The following CREB1 variants were observed in gnomAD, a reference collection of about 807,000 sequenced individuals.
CREB1 encodes the protein cAMP responsive element binding protein 1.
Under a neutral mutation model 42.0 loss-of-function variants are expected in CREB1, and 2 were observed. The observed-to-expected ratio is 0.05, with a 90% CI of 0.02 to 0.15. CREB1 has a LOEUF of 0.15. Among genes scored for constraint, CREB1 ranks in the 10% least tolerant of loss-of-function variants. The probability of loss-of-function intolerance (pLI) is 1.00; values close to 1 mark genes in which losing one functional copy is unlikely to be tolerated. For missense variants in CREB1, 199 were observed against 388.9 expected (o/e 0.51, Z 4.11); for synonymous variants, 123 against 139.9 (o/e 0.88, Z 0.85).
intron 7 of CREB1, 98 bp downstream of exon 7, chr2:207,577,753 C>A: frequency 6.9e-7 from 1 of 1,453,768 alleles, no homozygotes; most frequent in Non-Finnish European, 9.4e-7. Flanking sequence ...AGGATCTTTG[C>A]ATTGAATTTT....
chr2:207,589,956 G>A (rs1212135143), intron 7 of CREB1, among the ~76,000 whole-genome samples: 2 of 152,006 alleles, frequency 1.3e-5, no homozygotes, highest in South Asian at 2.1e-4. Flanking sequence ...TTATAAATGA[G>A]GTGGAAGTCT....
intron 1 of CREB1, among the ~76,000 whole-genome samples, chr2:207,536,320 T>A (rs980266558): frequency 1.3e-5 from 2 of 151,924 alleles, no homozygotes; most frequent in Non-Finnish European, 2.9e-5. Flanking sequence ...TTTGGGAGGC[T>A]GAGGTAGGTG....
chr2:207,567,733 GA>G (rs1158280880), intron 4 of CREB1, 170 bp downstream of exon 4: 1 of 452,000 alleles, frequency 2.2e-6, no homozygotes, highest in Non-Finnish European at 4.0e-6. Context: ...TACAGAATAA[GA>G]AGAGCACTTG....
intron 3 of CREB1, 114 bp from the exon 4 acceptor site, chr2:207,567,348 AT>A: frequency 1.5e-6 from 1 of 645,822 alleles, no homozygotes; most frequent in South Asian, 2.1e-5. Flanking sequence ...ATAAGAACTG[AT>A]TTTTTTCTAC....
chr2:207,540,087 A>G (rs745486616), intron 1 of CREB1, among the ~76,000 whole-genome samples: 2 of 152,180 alleles, frequency 1.3e-5, no homozygotes, highest in Non-Finnish European at 2.9e-5. Context: ...CTGTATAAGA[A>G]CGTTTTGGTG....
At chr2:207,592,140 G>T (rs1024208013) in intron 7 of CREB1, among the ~76,000 whole-genome samples, 24 of 151,806 alleles carry the variant, frequency 1.6e-4, no homozygotes, top group African/African-American at 4.8e-4. Context: ...TTTTTTCTTT[G>T]AAGTGACAGA....
chr2:207,556,331 C>G (rs1214217362), intron 2 of CREB1, among the ~76,000 whole-genome samples: 2 of 152,104 alleles, frequency 1.3e-5, no homozygotes, highest in Non-Finnish European at 2.9e-5. Context: ...TTCTCCTCAA[C>G]TATTTTATTA....
chr2:207,603,065 C>G lies in CREB1; in HGVS notation c.*6007C>G. The G allele has an allele frequency of 4.7e-6, 1 of 211,934 alleles. No homozygotes were observed. Among genetic ancestry groups the G allele is most frequent in the Non-Finnish European group, 9.5e-6 (1 of 104,756 alleles). 13.1% of individuals were successfully genotyped at this position (211,934 alleles called of 1,614,324 possible). ...CAAAACAGGGTATTGATTTTTAACTCTGATGTTTCTATTGGAGTTGAATAC... is the reference window on the plus strand; with the variant it reads ...CAAAACAGGGTATTGATTTTTAACTGTGATGTTTCTATTGGAGTTGAATAC... On this transcript the variant is annotated 3_prime_UTR_variant, in exon 8 of 8. Coordinates refer to ENST00000353267, the MANE Select transcript of CREB1 (RefSeq NM_004379.5).
At position 207,539,207 on chromosome 2, in the gene CREB1, AT is replaced by A. The variant is rs528614868; in HGVS notation, c.-9+9091del. Among the ~76,000 whole-genome samples, 533 of 132,922 alleles carry A rather than the reference AT, an allele frequency of 4.0e-3. 1 individual carries two copies. The highest frequency in any genetic ancestry group is 5.2e-3 in the African/African-American group (185 of 35,488). 87.2% of individuals were successfully genotyped at this position (132,922 alleles called of 152,430 possible). A position where few individuals can be genotyped will look rare whatever the true frequency, so the allele number is the denominator to read the frequency against. On this transcript the variant is annotated intron_variant, in intron 1 of 7. Coordinates refer to ENST00000353267, the MANE Select transcript of CREB1 (RefSeq NM_004379.5). ...AAGCATGTGCCACCATACCTGGCTA[AT>A]TTTTTTTTTTTTTTTTTGTATTTTT...
rs1361535120 is a variant in CREB1 at position 207,603,278 on chromosome 2, CA to C, written c.*6221del. ...AGCTGCTTTGTGTTCAGAATAGTAG[CA>C]GTTGCTTTGTATATTAAAGTGATCC... is the stretch of plus-strand genomic sequence containing the variant. On this transcript the variant is annotated 3_prime_UTR_variant, in exon 8 of 8. Coordinates refer to ENST00000353267, the MANE Select transcript of CREB1 (RefSeq NM_004379.5). The C allele has an allele frequency of 5.4e-5, 12 of 221,356 alleles. No individual in the cohort carries two copies. Among genetic ancestry groups the C allele is most frequent in the Non-Finnish European group, 9.0e-5 (10 of 110,738 alleles). The allele number at this position is 221,356 out of a possible 1,614,324, so 13.7% of individuals were successfully genotyped here.
chr2:207,552,221 G>A (rs571438457), intron 1 of CREB1, among the ~76,000 whole-genome samples: 1 of 152,104 alleles, frequency 6.6e-6, no homozygotes, highest in African/African-American at 2.4e-5. Flanking sequence ...AACATTTTGA[G>A]TATGTCTTTG....
chr2:207,579,911 A>G (rs2082786921), intron 7 of CREB1, among the ~76,000 whole-genome samples: 1 of 152,150 alleles, frequency 6.6e-6, no homozygotes, highest in South Asian at 2.1e-4. Context: ...TCATTACTCT[A>G]AACTCTTCCT....
chr2:207,546,892 T>A (rs2081322032), intron 1 of CREB1, among the ~76,000 whole-genome samples: 1 of 152,240 alleles, frequency 6.6e-6, no homozygotes, highest in Non-Finnish European at 1.5e-5. Flanking sequence ...TTTCCTTTGC[T>A]GTTTGACTAG....
intron 7 of CREB1, among the ~76,000 whole-genome samples, chr2:207,580,203 A>C (rs1282025178): frequency 6.6e-6 from 1 of 152,328 alleles, no homozygotes; most frequent in South Asian, 2.1e-4. Flanking sequence ...TTATGAGATT[A>C]GTAGAACTGA....
chr2:207,582,038 A>G (rs1350221363), intron 7 of CREB1: 2 of 699,556 alleles, frequency 2.9e-6, no homozygotes, highest in Non-Finnish European at 5.2e-6. Flanking sequence ...GAGCACATAC[A>G]TAATTGGCGA....
intron 1 of CREB1, among the ~76,000 whole-genome samples, chr2:207,535,640 C>G (rs2080837222): frequency 6.6e-6 from 1 of 151,904 alleles, no homozygotes. Flanking sequence ...AGATGATAAA[C>G]TTTACTGCAT....
At position 207,570,160 on chromosome 2, in the gene CREB1, T is replaced by C. The variant is rs755130189; in HGVS notation, c.363-19T>C. 7 of 1,574,210 alleles carry C rather than the reference T, an allele frequency of 4.4e-6. No individual in the cohort carries two copies. The South Asian group carries it at 8.1e-5, about 18-fold the overall frequency. ...ATTGTACTTATATTTTTAATTATTC[T>C]AGTTTTCTAATTTTGTAGGAAAATT... is the stretch of plus-strand genomic sequence containing the variant. On this transcript the variant is annotated intron_variant, in intron 4 of 7. Coordinates refer to ENST00000353267, the MANE Select transcript of CREB1 (RefSeq NM_004379.5).
intron 1 of CREB1, among the ~76,000 whole-genome samples, chr2:207,541,349 G>A (rs1278186845): frequency 6.6e-6 from 1 of 152,130 alleles, no homozygotes; most frequent in Non-Finnish European, 1.5e-5. Flanking sequence ...AGCTCCGTTT[G>A]TGATAAGCAC....
intron 5 of CREB1, among the ~76,000 whole-genome samples, chr2:207,574,951 A>G (rs1171210855): frequency 6.6e-6 from 1 of 152,254 alleles, no homozygotes; most frequent in Non-Finnish European, 1.5e-5. Context: ...TAATGCTAAA[A>G]TAAAAGAAAG....
Sources: gnomAD v4.1 joint callset for allele counts (sites outside exome capture counted in the v4.1 genomes callset) on GRCh38, gnomAD v4.1.1 for gene constraint, MANE v1.5 for transcripts, NCBI Gene and HGNC (gene_info 2026-07-23, HGNC 2026-07-21) for gene names.